The following WWOX variants were observed in gnomAD, a reference collection of about 807,000 sequenced individuals.
WWOX encodes the protein WW domain containing oxidoreductase.
WWOX carries 69 observed loss-of-function variants against 46.2 expected under a neutral mutation model. The observed-to-expected ratio is 1.49, with a 90% confidence interval of 1.23 to 1.82. The LOEUF is 1.82. WWOX is among the 40% of genes most tolerant of loss of function. The pLI is 0.00. For synonymous variants in WWOX, 359 were observed against 202.6 expected, an observed-to-expected ratio of 1.77 and a Z score of -6.56; for missense variants, 919 against 542.6, an observed-to-expected ratio of 1.69 and a Z score of -6.89.
intron 8 of WWOX, among the ~76,000 whole-genome samples, chr16:79,109,836 CAG>C (rs1355961012): frequency 1.3e-5 from 2 of 152,152 alleles, no homozygotes; most frequent in Non-Finnish European, 2.9e-5. Context: ...TGCACAGAAG[CAG>C]AGGTTTCCCA....
Position 78,346,945 on chromosome 16 carries a change from C to A in WWOX, c.517-39915C>A, listed in dbSNP as rs1414541823. Among the ~76,000 whole-genome samples the A allele has an allele frequency of 6.7e-5, 8 of 118,718 alleles. 3 individuals are homozygous for A. 77.9% of individuals were successfully genotyped at this position (118,718 alleles called of 152,430 possible). A position where few individuals can be genotyped will look rare whatever the true frequency, so the allele number is the denominator to read the frequency against. ...TTCACCATGTTGACCAGGCTGGTTT[C>A]AACTCCTGACCTCAGGTGATCTGCC... On this transcript the variant is annotated intron_variant, in intron 5 of 8. Transcript: ENST00000566780.
rs74029961 is a variant in WWOX, at chr16:78,748,794, C to A, written c.1056+316042C>A. Among the ~76,000 whole-genome samples, 1,296 of 152,334 alleles carry A rather than the reference C, an allele frequency of 8.5e-3. 14 individuals are homozygous for A. The highest frequency in any genetic ancestry group is 0.029 in the African/African-American group (1,219 of 41,568). Reference sequence around the variant, plus strand: ...ATATTACATCTGCATGCGTCTTGCCCTCTGACACGGCAAACACAGATGCTG... The same window carrying A: ...ATATTACATCTGCATGCGTCTTGCCATCTGACACGGCAAACACAGATGCTG... On this transcript the variant is annotated intron_variant, in intron 8 of 8. Transcript: ENST00000566780.
intron 8 of WWOX, among the ~76,000 whole-genome samples, chr16:79,089,754 C>G (rs1216365761): frequency 2.0e-5 from 3 of 152,156 alleles, no homozygotes; most frequent in Admixed American, 2.0e-4. Flanking sequence ...GTTGCCCAGA[C>G]CTTGCAAAAC....
chr16:78,825,977 G>A (rs910604616), intron 8 of WWOX: 39 of 770,252 alleles, frequency 5.1e-5, no homozygotes, highest in Middle Eastern at 7.6e-4. Flanking sequence ...AGAGCCGCCT[G>A]CTATGCCCCA....
chr16:78,317,649 C>G (rs968552000), intron 5 of WWOX, among the ~76,000 whole-genome samples: 3 of 152,126 alleles, frequency 2.0e-5, no homozygotes, highest in Admixed American at 6.5e-5. Context: ...TTTTCGAAGT[C>G]TGCCTCGTTT....
intron 5 of WWOX, among the ~76,000 whole-genome samples, chr16:78,334,265 G>C (rs76615910): frequency 0.039 from 5,872 of 152,242 alleles, 356 homozygotes; most frequent in African/African-American, 0.13. Flanking sequence ...ATTATGCTGT[G>C]AATACGGGCT....
chr16:78,713,970 A>G (rs1414412428), intron 8 of WWOX, among the ~76,000 whole-genome samples: 1 of 152,124 alleles, frequency 6.6e-6, no homozygotes, highest in East Asian at 1.9e-4. Flanking sequence ...CCAATTGGCT[A>G]CGAGGGCTTG....
At chr16:78,539,879 C>T (rs2043846431) in intron 8 of WWOX, among the ~76,000 whole-genome samples, 1 of 152,120 alleles carries the variant, frequency 6.6e-6, no homozygotes, top group African/African-American at 2.4e-5. Flanking sequence ...TTTACTCTCT[C>T]TTCATAGATA....
chr16:78,937,051 T>TG (rs1227963220), intron 8 of WWOX, among the ~76,000 whole-genome samples: 20 of 152,316 alleles, frequency 1.3e-4, no homozygotes, highest in Middle Eastern at 6.8e-3. Context: ...GAAAATTAAG[T>TG]GGAAATATAG....
intron 4 of WWOX, among the ~76,000 whole-genome samples, chr16:78,155,549 A>G (rs1160130811): frequency 6.6e-6 from 1 of 152,268 alleles, no homozygotes; most frequent in African/African-American, 2.4e-5. Context: ...AACAAGTGCT[A>G]GAAAAACTGA....
chr16:78,662,657 G>C (rs1035638939), intron 8 of WWOX, among the ~76,000 whole-genome samples: 10 of 152,120 alleles, frequency 6.6e-5, no homozygotes, highest in African/African-American at 2.4e-4. Flanking sequence ...TCATCATTTT[G>C]CTTTCTTTGG....
chr16:78,537,645 T>C (rs772775233), intron 8 of WWOX, among the ~76,000 whole-genome samples: 5 of 152,176 alleles, frequency 3.3e-5, no homozygotes, highest in Non-Finnish European at 7.3e-5. Flanking sequence ...TTGGTTGTGA[T>C]GTTGTTGTTG....
At position 78,189,172 on chromosome 16, in the gene WWOX, C is replaced by T. The variant is rs546103238; in HGVS notation, c.516+24883C>T. On this transcript the variant is annotated intron_variant, in intron 5 of 8. Transcript: ENST00000566780. ...CCAGAAACTGGAGAAAGCGTGGCTTCTCAAGACTAGGAATACCTAGATTCC... is the reference window on the plus strand; with the variant it reads ...CCAGAAACTGGAGAAAGCGTGGCTTTTCAAGACTAGGAATACCTAGATTCC... Among the ~76,000 whole-genome samples the T allele has an allele frequency of 6.6e-5, 10 of 152,274 alleles. No individual in the cohort carries two copies. The East Asian group carries it at 1.5e-3, about 24-fold the overall frequency.
chr16:78,581,815 G>A (rs1396069911), intron 8 of WWOX, among the ~76,000 whole-genome samples: 1 of 152,124 alleles, frequency 6.6e-6, no homozygotes, highest in South Asian at 2.1e-4. Context: ...CCAACTAGTA[G>A]TGTAAGTTGA....
intron 8 of WWOX, among the ~76,000 whole-genome samples, chr16:79,063,327 C>T (rs183796099): frequency 5.9e-5 from 9 of 152,238 alleles, no homozygotes; most frequent in Admixed American, 3.3e-4. Flanking sequence ...TTTTTTGTTC[C>T]GAAATCGGAA....
At chr16:78,438,342 G>C (rs1049905585) in intron 8 of WWOX, among the ~76,000 whole-genome samples, 16 of 152,048 alleles carry the variant, frequency 1.1e-4, no homozygotes, top group African/African-American at 3.6e-4. Context: ...CATTTGCTTT[G>C]TCCAATGCAC....
At chr16:78,730,394 G>A (rs977137663) in intron 8 of WWOX, among the ~76,000 whole-genome samples, 6 of 151,984 alleles carry the variant, frequency 3.9e-5, no homozygotes, top group Middle Eastern at 3.4e-3. Flanking sequence ...AGGCACACTA[G>A]CTCTATAGGT....
intron 8 of WWOX, among the ~76,000 whole-genome samples, chr16:79,050,103 G>C (rs969701587): frequency 1.3e-4 from 20 of 152,172 alleles, no homozygotes; most frequent in African/African-American, 4.8e-4. Context: ...GGTTGCTGCT[G>C]CTGCGTAACC....
intron 8 of WWOX, among the ~76,000 whole-genome samples, chr16:78,997,860 A>C (rs1288836080): frequency 6.6e-6 from 1 of 152,032 alleles, no homozygotes; most frequent in Non-Finnish European, 1.5e-5. Context: ...TTTGCAGCCT[A>C]ATGTTTAGCT....
Sources: allele counts gnomAD v4.1 joint callset (sites outside exome capture counted in the v4.1 genomes callset), GRCh38; gene constraint gnomAD v4.1.1; transcripts MANE v1.5; gene names NCBI Gene and HGNC (gene_info 2026-07-23, HGNC 2026-07-21).